The following NTM variants were observed in gnomAD, a reference collection of about 807,000 sequenced individuals.
NTM encodes the protein IgLON family member 2.
Under a neutral mutation model 42.1 loss-of-function variants are expected in NTM, and 13 were observed. The observed-to-expected ratio is 0.31, with a 90% CI of 0.20 to 0.49. The LOEUF is 0.49. Among genes scored for constraint, NTM ranks in the 20% least tolerant of loss-of-function variants. The pLI is 0.99. For missense variants in NTM, 373 were observed against 452.8 expected, an observed-to-expected ratio of 0.82 and a Z score of 1.60; for synonymous variants, 187 against 179.2, an observed-to-expected ratio of 1.04 and a Z score of -0.35.
intron 2 of NTM, among the ~76,000 whole-genome samples, chr11:131,983,184 T>A (rs1002736024): frequency 6.6e-6 from 1 of 152,076 alleles, no homozygotes; most frequent in Non-Finnish European, 1.5e-5. Flanking sequence ...AGATCCCATT[T>A]TCAATAACCT....
intron 3 of NTM, among the ~76,000 whole-genome samples, chr11:132,159,788 G>C (rs945272174): frequency 6.6e-6 from 1 of 152,172 alleles, no homozygotes; most frequent in East Asian, 1.9e-4. Flanking sequence ...GCGTGGGTGT[G>C]GGGGTAGAAC....
At chr11:131,434,719 T>A (rs1948979733) in intron 1 of NTM, among the ~76,000 whole-genome samples, 1 of 152,214 alleles carries the variant, frequency 6.6e-6, no homozygotes, top group Admixed American at 6.5e-5. Flanking sequence ...ATTGCAAAAA[T>A]TTTCTCCCAT....
At chr11:131,383,884 G>A (rs770807617) in intron 1 of NTM, among the ~76,000 whole-genome samples, 11 of 152,268 alleles carry the variant, frequency 7.2e-5, no homozygotes, top group Middle Eastern at 3.4e-3. Flanking sequence ...CCTAAGGGAC[G>A]TTGCAACCAG....
intron 2 of NTM, among the ~76,000 whole-genome samples, chr11:131,983,067 T>TTA (rs398115982): frequency 6.6e-6 from 1 of 151,838 alleles, no homozygotes; most frequent in African/African-American, 2.4e-5. Context: ...TTTTTTTTTT[T>TTA]AGTCATACTA....
At chr11:131,614,393 T>C (rs1592231375) in intron 1 of NTM, among the ~76,000 whole-genome samples, 1 of 152,356 alleles carries the variant, frequency 6.6e-6, no homozygotes. Flanking sequence ...TATTAGCAAT[T>C]ACAGCTCTAC....
chr11:131,910,101 GGTAGT>G (rs1459973995), intron 1 of NTM: 1 of 152,218 alleles, frequency 6.6e-6, no homozygotes, highest in Non-Finnish European at 1.5e-5. Flanking sequence ...TCTCTAGAAT[GGTAGT>G]GTTGAGTCTC....
intron 2 of NTM, among the ~76,000 whole-genome samples, chr11:132,011,745 A>C (rs1388967417): frequency 6.6e-6 from 1 of 152,164 alleles, no homozygotes; most frequent in Non-Finnish European, 1.5e-5. Context: ...AGCCCATCTG[A>C]TTCCAAAATT....
chr11:131,418,625 T>A (rs1358520745), intron 1 of NTM, among the ~76,000 whole-genome samples: 8 of 152,126 alleles, frequency 5.3e-5, no homozygotes, highest in African/African-American at 1.9e-4. Flanking sequence ...AGCCCACACA[T>A]CCACTCACAG....
intron 1 of NTM, chr11:131,535,673 G>A (rs2052067931): frequency 6.6e-6 from 1 of 152,178 alleles, no homozygotes; most frequent in South Asian, 2.1e-4. Context: ...CATGCCACAT[G>A]CTCTGTGTGT....
chr11:132,019,975 A>G (rs2074072721), intron 2 of NTM, among the ~76,000 whole-genome samples: 1 of 151,944 alleles, frequency 6.6e-6, no homozygotes, highest in Non-Finnish European at 1.5e-5. Context: ...ACAGGTAGTT[A>G]TTCAATCCTG....
chr11:132,162,259 T>TTTG (rs1367559948), intron 3 of NTM, among the ~76,000 whole-genome samples: 3 of 150,698 alleles, frequency 2.0e-5, no homozygotes, highest in African/African-American at 7.3e-5. Flanking sequence ...TGTGTTTATG[T>TTTG]TTGTGTAGGG....
At chr11:132,196,610 G>T (rs759857228) in intron 3 of NTM, among the ~76,000 whole-genome samples, 1 of 152,126 alleles carries the variant, frequency 6.6e-6, no homozygotes, top group Non-Finnish European at 1.5e-5. Context: ...CTACACATCC[G>T]TAAAACAAAT....
In NTM at chr11:132,314,560, A is replaced by C. The variant is rs1371211175; in HGVS notation, c.791A>C (p.Glu264Ala). Residue 264 changes from glutamate (E) to alanine (A), a missense_variant, in exon 7 of 9, where the codon GAA (glutamate) becomes GCA (alanine). Glu to Ala is a moderately radical substitution (Grantham distance 107, BLOSUM62 -1). Transcript: ENST00000683400. ...TCTTTTGTTTCTCTCAGACTGATTG[A>C]AGGAAAGAAAGGGGTGAAAGTGGAA... ...QWYKDDKRLI[E>A]GKKGVKVENR... is the part of the protein sequence containing the mutation. 1.9e-6 allele frequency: 3 copies of C among 1,611,848 alleles called. No homozygotes were observed. Among genetic ancestry groups the C allele is most frequent in the Admixed American group, 1.7e-5 (1 of 59,656 alleles).
chr11:131,373,629 G>A (rs1941528489), intron 1 of NTM, among the ~76,000 whole-genome samples: 1 of 151,962 alleles, frequency 6.6e-6, no homozygotes, highest in Non-Finnish European at 1.5e-5. Flanking sequence ...ACTGGATCAG[G>A]CGCTGTCCCT....
At chr11:131,839,857 G>C (rs1592205701) in intron 1 of NTM, among the ~76,000 whole-genome samples, 1 of 152,212 alleles carries the variant, frequency 6.6e-6, no homozygotes, top group African/African-American at 2.4e-5. Flanking sequence ...GAACCATTGG[G>C]AGATAGTCAG....
At chr11:131,456,483 C>T (rs943506307) in intron 1 of NTM, among the ~76,000 whole-genome samples, 9 of 152,116 alleles carry the variant, frequency 5.9e-5, no homozygotes, top group East Asian at 1.9e-4. Flanking sequence ...CAGCTAAAGT[C>T]GAGTGCCCCA....
intron 2 of NTM, among the ~76,000 whole-genome samples, chr11:132,037,865 A>G (rs2076698989): frequency 6.6e-6 from 1 of 152,264 alleles, no homozygotes; most frequent in Non-Finnish European, 1.5e-5. Context: ...ATAGACAGCC[A>G]TATGCTACTA....
rs112697048 is a variant in NTM, at chr11:131,970,394, C to T, written c.167+58746C>T. On this transcript the variant is annotated intron_variant, in intron 2 of 8. Coordinates refer to ENST00000683400, the MANE Select transcript of NTM (RefSeq NM_001352005.2). ...AAACTGGAACTCCACATGGACCTTC[C>T]GATTTGGTACTGAGCTGTCATTCAT... Among the ~76,000 whole-genome samples, 227 of 152,294 alleles carry T rather than the reference C, an allele frequency of 1.5e-3. 1 individual carries two copies. Among genetic ancestry groups the T allele is most frequent in the African/African-American group, 5.3e-3 (219 of 41,552 alleles).
At chr11:132,077,116 C>T (rs570253191) in intron 2 of NTM, among the ~76,000 whole-genome samples, 11 of 152,266 alleles carry the variant, frequency 7.2e-5, no homozygotes, top group Middle Eastern at 3.4e-3. Flanking sequence ...CAGTCATTGC[C>T]GCCAGCCAAC....
Sources: allele counts gnomAD v4.1 joint callset (sites outside exome capture counted in the v4.1 genomes callset), GRCh38; gene constraint gnomAD v4.1.1; transcripts MANE v1.5; gene names NCBI Gene and HGNC (gene_info 2026-07-23, HGNC 2026-07-21).